The following NAA15 variants were observed in gnomAD, a reference collection of about 807,000 sequenced individuals.
NAA15 encodes N-terminal acetyltransferase.
In NAA15, 34 loss-of-function variants were observed where a neutral mutation model predicts 114.0. That is an observed-to-expected ratio of 0.30 (90% confidence interval 0.23 to 0.40). The LOEUF is 0.40. NAA15 is among the 10% of genes least tolerant of loss of function. The pLI, the probability that NAA15 is intolerant of heterozygous loss-of-function variation, is 1.00. For missense variants in NAA15, 658 were observed against 1,004.5 expected (o/e 0.66, Z 4.66); for synonymous variants, 340 against 338.0 (o/e 1.01, Z -0.06).
In NAA15 at chr4:139,378,825, A is replaced by G; in HGVS notation, c.2126A>G (p.His709Arg). 1.3e-6 allele frequency: 2 copies of G among 1,558,130 alleles called. No individual in the cohort carries two copies. The highest frequency in any genetic ancestry group is 1.7e-6 in the Non-Finnish European group (2 of 1,162,822). Residue 709 changes from histidine (H) to arginine (R), a missense_variant, in exon 17 of 20, where the codon CAT becomes CGT. Physicochemically the swap from His to Arg is conservative, Grantham distance 29. Coordinates refer to ENST00000296543, the MANE Select transcript of NAA15 (RefSeq NM_057175.5). ...ATTGATTCTAGTCATCCCTGGCTTC[A>G]TGAGTGTATGATTCGTCTCTTTAAT... ...FAIDSSHPWL[H>R]ECMIRLFNTA...
At chr4:139,338,153 T>A (rs1218974391) in intron 3 of NAA15, among the ~76,000 whole-genome samples, 1 of 152,130 alleles carries the variant, frequency 6.6e-6, no homozygotes, top group African/African-American at 2.4e-5. Flanking sequence ...TGTTGCAATA[T>A]TTAAGAGAGG....
At chr4:139,333,391 A>C (rs1265628096) in intron 1 of NAA15, among the ~76,000 whole-genome samples, 2 of 151,594 alleles carry the variant, frequency 1.3e-5, no homozygotes, top group East Asian at 3.9e-4. Context: ...GATCTTTTTT[A>C]TGTGACTTGT....
intron 2 of NAA15, among the ~76,000 whole-genome samples, chr4:139,335,101 C>T (rs1177910474): frequency 6.6e-6 from 1 of 152,084 alleles, no homozygotes; most frequent in Non-Finnish European, 1.5e-5. Flanking sequence ...AGGAGGATTG[C>T]TTGAGGCCAG....
intron 1 of NAA15, among the ~76,000 whole-genome samples, chr4:139,311,841 G>C (rs573956747): frequency 9.9e-5 from 15 of 151,994 alleles, no homozygotes; most frequent in African/African-American, 3.6e-4. Context: ...GTGCATGCCA[G>C]TTACTCAGGA....
At chr4:139,318,717 G>C (rs1047632452) in intron 1 of NAA15, among the ~76,000 whole-genome samples, 3 of 152,016 alleles carry the variant, frequency 2.0e-5, no homozygotes, top group Non-Finnish European at 4.4e-5. Flanking sequence ...AGCCTGGTGT[G>C]GTGGCATGTG....
At chr4:139,341,176 T>C (rs1368783218) in intron 4 of NAA15, 107 bp downstream of exon 4, 3 of 825,098 alleles carry the variant, frequency 3.6e-6, no homozygotes, top group Non-Finnish European at 5.2e-6. Context: ...AATAATTTAA[T>C]TGAATTTTTT....
chr4:139,318,811 G>A (rs1283025222), intron 1 of NAA15, among the ~76,000 whole-genome samples: 2 of 151,334 alleles, frequency 1.3e-5, no homozygotes, highest in South Asian at 2.1e-4. Flanking sequence ...CCAAGATCGC[G>A]CCACTGTACT....
intron 7 of NAA15, among the ~76,000 whole-genome samples, chr4:139,350,707 G>A (rs1317615251): frequency 1.3e-5 from 2 of 152,258 alleles, no homozygotes; most frequent in Non-Finnish European, 2.9e-5. Flanking sequence ...AGGAAGAGTA[G>A]AGATGATGGA....
intron 14 of NAA15, among the ~76,000 whole-genome samples, chr4:139,367,781 C>T (rs906093548): frequency 6.6e-6 from 1 of 152,160 alleles, no homozygotes; most frequent in Admixed American, 6.5e-5. Flanking sequence ...ACCATCAAGC[C>T]CCTGTCTCTT....
At chr4:139,316,850 C>G (rs1207350248) in intron 1 of NAA15, among the ~76,000 whole-genome samples, 4 of 151,392 alleles carry the variant, frequency 2.6e-5, no homozygotes, top group Admixed American at 1.3e-4. Context: ...TCCCCCCACC[C>G]CCCGCCATAG....
chr4:139,390,421 G>A lies in NAA15; in HGVS notation c.*2337G>A, dbSNP rs1019055763. Reference sequence around the variant, plus strand: ...TGCTCTGAGTAGTATCAACTGGATCGTCTCATATTTGCCTCATTCATCCTA... The same window carrying A: ...TGCTCTGAGTAGTATCAACTGGATCATCTCATATTTGCCTCATTCATCCTA... On this transcript the variant is annotated 3_prime_UTR_variant, in exon 20 of 20. Transcript: ENST00000296543. 7.9e-5 allele frequency: 12 copies of A among 152,530 alleles called. No individual in the cohort carries two copies. Among genetic ancestry groups the A allele is most frequent in the African/African-American group, 2.7e-4 (11 of 41,418 alleles). The allele number at this position is 152,530 out of a possible 1,614,324, so 9.4% of individuals were successfully genotyped here. A position where few individuals can be genotyped will look rare whatever the true frequency, so the allele number is the denominator to read the frequency against.
intron 14 of NAA15, among the ~76,000 whole-genome samples, chr4:139,362,808 T>G (rs967329683): frequency 6.7e-6 from 1 of 148,790 alleles, no homozygotes; most frequent in African/African-American, 2.4e-5. Flanking sequence ...GAATGAGTGA[T>G]CTCATACGTA....
At chr4:139,370,523 A>ATTATT (rs1287753039) in intron 15 of NAA15, 119 bp downstream of exon 15, 1 of 894,008 alleles carries the variant, frequency 1.1e-6, no homozygotes, top group African/African-American at 1.7e-5. Flanking sequence ...AGAGCCAAAA[A>ATTATT]TTATTTTATT....
At chr4:139,313,385 G>T (rs567893395) in intron 1 of NAA15, among the ~76,000 whole-genome samples, 9 of 151,898 alleles carry the variant, frequency 5.9e-5, no homozygotes, top group Admixed American at 5.9e-4. Flanking sequence ...TTAAGAAGGG[G>T]AACATTAAGC....
intron 6 of NAA15, among the ~76,000 whole-genome samples, chr4:139,346,916 G>A (rs1747601905): frequency 6.6e-6 from 1 of 152,184 alleles, no homozygotes; most frequent in Admixed American, 6.5e-5. Flanking sequence ...TGGGTATAGT[G>A]TAGAGGGGAG....
At chr4:139,346,481 A>T (rs1262085547) in intron 6 of NAA15, among the ~76,000 whole-genome samples, 1 of 152,092 alleles carries the variant, frequency 6.6e-6, no homozygotes, top group Non-Finnish European at 1.5e-5. Context: ...AGTTGGTGGG[A>T]GAAGATAAGA....
In NAA15 at chr4:139,349,591, T is replaced by A; in HGVS notation, c.811+10T>A. ...AAAGCACTCAAGCCAGGTAGTATTG[T>A]TTAAAACTTACTAAGTTTTATTGTT... On this transcript the variant is annotated intron_variant, in intron 7 of 19. Transcript: ENST00000296543. 1 of 1,587,622 alleles carries A rather than the reference T, an allele frequency of 6.3e-7. No individual in the cohort carries two copies. Among genetic ancestry groups the A allele is most frequent in the Non-Finnish European group, 8.5e-7 (1 of 1,172,980 alleles).
At position 139,379,448 on chromosome 4, in the gene NAA15, A is replaced by G. The variant is rs1392209622; in HGVS notation, c.2155+594A>G. The G allele has an allele frequency of 2.0e-5, 3 of 152,234 alleles. No individual in the cohort carries two copies. The East Asian group carries it at 5.8e-4, about 29-fold the overall frequency. 9.4% of individuals were successfully genotyped at this position (152,234 alleles called of 1,614,324 possible). On this transcript the variant is annotated intron_variant, in intron 17 of 19. Transcript: ENST00000296543. Reference sequence around the variant, plus strand: ...TGGGAAAAATCTGAGACCTTAAAAGATGACTTATTCTAGGTAACAGATAGA... The same window carrying G: ...TGGGAAAAATCTGAGACCTTAAAAGGTGACTTATTCTAGGTAACAGATAGA...
intron 1 of NAA15, among the ~76,000 whole-genome samples, chr4:139,329,175 C>T (rs1390258244): frequency 6.6e-6 from 1 of 152,058 alleles, no homozygotes; most frequent in Non-Finnish European, 1.5e-5. Context: ...AGCCACTGTG[C>T]CCAGCCTTAA....
Sources: allele counts gnomAD v4.1 joint callset (sites outside exome capture counted in the v4.1 genomes callset), GRCh38; gene constraint gnomAD v4.1.1; transcripts MANE v1.5; gene names NCBI Gene and HGNC (gene_info 2026-07-23, HGNC 2026-07-21).